The following KAT2B variants were observed in gnomAD, a reference collection of about 807,000 sequenced individuals.
KAT2B encodes the protein lysine acetyltransferase 2B.
A neutral mutation model predicts 105.9 loss-of-function variants in KAT2B; 36 were observed. The ratio of observed to expected loss-of-function variants is 0.34; its 90% confidence interval spans 0.26 to 0.45. The LOEUF (loss-of-function observed/expected upper bound fraction) is 0.45. Ranked by LOEUF, KAT2B falls within the 20% of genes least tolerant of loss-of-function variation. The pLI, the probability that KAT2B is intolerant of heterozygous loss-of-function variation, is 1.00. For synonymous variants in KAT2B, 397 were observed against 377.9 expected (o/e 1.05, Z -0.59); for missense variants, 820 against 1,021.6 (o/e 0.80, Z 2.69).
chr3:20,062,486 T>G, intron 1 of KAT2B, among the ~76,000 whole-genome samples: 1 of 136,618 alleles, frequency 7.3e-6, no homozygotes, highest in Non-Finnish European at 1.5e-5. Flanking sequence ...ATATTAGAGG[T>G]AGTTTTGCTC....
intron 1 of KAT2B, among the ~76,000 whole-genome samples, chr3:20,059,409 T>C (rs1227684025): frequency 4.4e-5 from 3 of 68,166 alleles, no homozygotes; most frequent in African/African-American, 1.2e-4. Flanking sequence ...AGAGACTCTG[T>C]CTCAAAAAAA....
At chr3:20,052,286 T>A (rs1279542226) in intron 1 of KAT2B, among the ~76,000 whole-genome samples, 1 of 152,196 alleles carries the variant, frequency 6.6e-6, no homozygotes, top group African/African-American at 2.4e-5. Flanking sequence ...AATTATGTTT[T>A]AAAAAATGAT....
chr3:20,061,635 C>T (rs941760312), intron 1 of KAT2B, among the ~76,000 whole-genome samples: 8 of 151,646 alleles, frequency 5.3e-5, no homozygotes, highest in Non-Finnish European at 8.8e-5. Flanking sequence ...TCCTCTCCAA[C>T]ACTGTTTTCT....
intron 1 of KAT2B, among the ~76,000 whole-genome samples, chr3:20,043,054 G>A (rs1395826346): frequency 6.6e-6 from 1 of 152,008 alleles, no homozygotes; most frequent in Admixed American, 6.6e-5. Context: ...GCATGCGCCA[G>A]TACACTATTA....
intron 11 of KAT2B, among the ~76,000 whole-genome samples, chr3:20,136,522 A>G (rs769820920): frequency 1.1e-4 from 17 of 151,622 alleles, no homozygotes; most frequent in Non-Finnish European, 2.5e-4. Flanking sequence ...GAAGATTAGC[A>G]CTTTTCATTT....
chr3:20,080,948 G>A (rs992554004), intron 2 of KAT2B, among the ~76,000 whole-genome samples: 1 of 152,060 alleles, frequency 6.6e-6, no homozygotes, highest in African/African-American at 2.4e-5. Context: ...TTACATATGT[G>A]GCTTGCATTA....
At chr3:20,142,522 G>A (rs1699711170) in intron 13 of KAT2B, among the ~76,000 whole-genome samples, 1 of 152,108 alleles carries the variant, frequency 6.6e-6, no homozygotes, top group African/African-American at 2.4e-5. Flanking sequence ...GCATTTCCTA[G>A]CCCCTAAAAG....
rs532297512 is a variant in KAT2B at position 20,093,225 on chromosome 3, G to A, written c.431-2038G>A. Among the ~76,000 whole-genome samples, 11 of 152,296 alleles carry A rather than the reference G, an allele frequency of 7.2e-5. No individual in the cohort carries two copies. In the East Asian group the frequency reaches 1.7e-3, roughly 24 times the overall value. On this transcript the variant is annotated intron_variant, in intron 2 of 17. Transcript: ENST00000263754. ...GTTAAAAGTGAAACACTGAGGAAAAGGTGGCCAATAAAGAGTGAATTACTA... is the reference window on the plus strand; with the variant it reads ...GTTAAAAGTGAAACACTGAGGAAAAAGTGGCCAATAAAGAGTGAATTACTA...
In KAT2B at chr3:20,100,020, T is replaced by G. The variant is rs370222348; in HGVS notation, c.669+66T>G. 35 of 843,008 alleles carry G rather than the reference T, an allele frequency of 4.2e-5. 1 individual carries two copies. The highest frequency in any genetic ancestry group is 3.0e-4 in the East Asian group (12 of 40,444). The allele number at this position is 843,008 out of a possible 1,614,324, so 52.2% of individuals were successfully genotyped here. On this transcript the variant is annotated intron_variant, in intron 4 of 17. Transcript: ENST00000263754. ...CTGAAGAAATCTTTTAATCCTCCTTTTATATCTCTATCTACGGCTTCCCTC... is the reference window on the plus strand; with the variant it reads ...CTGAAGAAATCTTTTAATCCTCCTTGTATATCTCTATCTACGGCTTCCCTC...
chr3:20,130,868 T>TGTGC (rs1553597434), intron 11 of KAT2B, among the ~76,000 whole-genome samples: 7 of 151,672 alleles, frequency 4.6e-5, no homozygotes, highest in African/African-American at 1.7e-4. Flanking sequence ...TGTGTGTGTG[T>TGTGC]GTGCGTGCAT....
chr3:20,119,514 G>A, intron 7 of KAT2B, 84 bp from the exon 8 acceptor site: 1 of 1,435,660 alleles, frequency 7.0e-7, no homozygotes, highest in Non-Finnish European at 9.7e-7. Context: ...GGCAGGAGTG[G>A]GGTGGTCCCA....
intron 1 of KAT2B, among the ~76,000 whole-genome samples, chr3:20,059,200 G>GT (rs1376810217): frequency 1.3e-5 from 2 of 151,494 alleles, no homozygotes; most frequent in Non-Finnish European, 2.9e-5. Context: ...ATCACTTGAG[G>GT]TCGGGAGTTC....
chr3:20,119,263 G>A (rs1699264429), intron 7 of KAT2B, among the ~76,000 whole-genome samples: 1 of 150,660 alleles, frequency 6.6e-6, no homozygotes, highest in African/African-American at 2.5e-5. Context: ...ATCATATGGT[G>A]GCTGCCAAAT....
At chr3:20,096,066 C>CCG (rs1387817688) in intron 3 of KAT2B, among the ~76,000 whole-genome samples, 54 of 152,214 alleles carry the variant, frequency 3.5e-4, no homozygotes, top group Non-Finnish European at 6.6e-4. Context: ...GAAGTGATGT[C>CCG]TGTACAGCAA....
intron 1 of KAT2B, among the ~76,000 whole-genome samples, chr3:20,043,926 A>G (rs910937296): frequency 1.3e-5 from 2 of 152,092 alleles, no homozygotes; most frequent in Non-Finnish European, 2.9e-5. Flanking sequence ...GAAAGAGATA[A>G]GGTAGTTCAC....
intron 1 of KAT2B, among the ~76,000 whole-genome samples, chr3:20,054,216 G>A (rs1055583288): frequency 1.4e-5 from 2 of 146,168 alleles, no homozygotes; most frequent in African/African-American, 2.4e-5. Flanking sequence ...TGCAATCTCC[G>A]CCTCCTGGGT....
intron 5 of KAT2B, among the ~76,000 whole-genome samples, chr3:20,108,310 C>G (rs1699059157): frequency 6.6e-6 from 1 of 152,136 alleles, no homozygotes; most frequent in South Asian, 2.1e-4. Context: ...TTCAAGTGCT[C>G]AATAGTTACC....
At chr3:20,140,743 C>T (rs1310416658) in intron 13 of KAT2B, among the ~76,000 whole-genome samples, 4 of 152,124 alleles carry the variant, frequency 2.6e-5, no homozygotes, top group Non-Finnish European at 4.4e-5. Flanking sequence ...CCACCTGCCT[C>T]GGCCTCCCAA....
chr3:20,141,993 C>A lies in KAT2B; in HGVS notation c.2004+1629C>A, dbSNP rs184511239. ...GTCTGGATTCAGCAGCACATCGTTC[C>A]GCATTAGAGGCTGCTGGCCAACTAA... On this transcript the variant is annotated intron_variant, in intron 13 of 17. Coordinates refer to ENST00000263754, the MANE Select transcript of KAT2B (RefSeq NM_003884.5). Among the ~76,000 whole-genome samples the A allele has an allele frequency of 5.3e-4, 80 of 152,192 alleles. 1 individual carries two copies. In the East Asian group the frequency reaches 0.014, roughly 28 times the overall value.
Sources: gnomAD v4.1 joint callset for allele counts (sites outside exome capture counted in the v4.1 genomes callset) on GRCh38, gnomAD v4.1.1 for gene constraint, MANE v1.5 for transcripts, NCBI Gene and HGNC (gene_info 2026-07-23, HGNC 2026-07-21) for gene names.